CCND3: variants seen among roughly 807,000 people sequenced by gnomAD.
CCND3 encodes G1/S-specific cyclin-D3.
A neutral mutation model predicts 28.7 loss-of-function variants in CCND3; 9 were observed. That is an observed-to-expected ratio of 0.31 (90% CI 0.19 to 0.55). The LOEUF (loss-of-function observed/expected upper bound fraction) is 0.55, where lower values mean the gene tolerates loss of function less well. Ranked by LOEUF, CCND3 falls within the 20% of genes least tolerant of loss-of-function variation. The probability of loss-of-function intolerance (pLI) is 0.93; values close to 1 mark genes in which losing one functional copy is unlikely to be tolerated. For missense variants in CCND3, 315 were observed against 385.8 expected (o/e 0.82, Z 1.54); for synonymous variants, 164 against 163.9 (o/e 1.00, Z 0.00).
At chr6:41,968,524 A>C (rs1761949355) in intron 1 of CCND3, among the ~76,000 whole-genome samples, 1 of 152,126 alleles carries the variant, frequency 6.6e-6, no homozygotes, top group African/African-American at 2.4e-5. Flanking sequence ...CCAGAAGTCC[A>C]AGCTATGATT....
At chr6:41,974,379 C>T (rs914396418) in intron 1 of CCND3, among the ~76,000 whole-genome samples, 1 of 152,184 alleles carries the variant, frequency 6.6e-6, no homozygotes, top group African/African-American at 2.4e-5. Flanking sequence ...ATGCATCCAT[C>T]TCAGGTGGGC....
At chr6:42,038,944 C>T (rs1019119338) in intron 1 of CCND3, among the ~76,000 whole-genome samples, 1 of 152,180 alleles carries the variant, frequency 6.6e-6, no homozygotes, top group Non-Finnish European at 1.5e-5. Context: ...TTTCTTGAGG[C>T]CCAGCTAGAC....
chr6:42,039,665 C>T (rs67289879), intron 1 of CCND3, among the ~76,000 whole-genome samples: 23,162 of 152,228 alleles, frequency 0.15, 2,177 homozygotes, highest in Non-Finnish European at 0.21. Flanking sequence ...GCACCATTGC[C>T]GCAGTTGGGG....
At chr6:41,975,165 T>C (rs1762140714) in intron 1 of CCND3, among the ~76,000 whole-genome samples, 1 of 152,192 alleles carries the variant, frequency 6.6e-6, no homozygotes, top group South Asian at 2.1e-4. Context: ...AGTTTATACA[T>C]ACATGATTGT....
intron 1 of CCND3, among the ~76,000 whole-genome samples, chr6:41,960,703 A>G (rs1761696155): frequency 6.6e-6 from 1 of 152,250 alleles, no homozygotes; most frequent in Non-Finnish European, 1.5e-5. Flanking sequence ...AATCTGGTAC[A>G]TGGTGGATGG....
chr6:42,001,823 A>G (rs1362916775), intron 1 of CCND3, among the ~76,000 whole-genome samples: 3 of 152,144 alleles, frequency 2.0e-5, no homozygotes, highest in African/African-American at 7.2e-5. Context: ...ACATTTGTCA[A>G]AATTCATAGG....
chr6:42,003,747 T>G (rs901504360), intron 1 of CCND3, among the ~76,000 whole-genome samples: 2 of 151,600 alleles, frequency 1.3e-5, no homozygotes, highest in Admixed American at 1.3e-4. Flanking sequence ...GAGACCAGTC[T>G]GAGCAACATG....
chr6:42,045,968 G>A (rs773578709), intron 1 of CCND3, among the ~76,000 whole-genome samples: 2 of 152,228 alleles, frequency 1.3e-5, no homozygotes, highest in African/African-American at 2.4e-5. Context: ...AGGTGCGTGC[G>A]TGGGAGAAGA....
At chr6:42,029,022 G>A (rs770529372) in intron 1 of CCND3, among the ~76,000 whole-genome samples, 93 of 148,796 alleles carry the variant, frequency 6.3e-4, no homozygotes, top group Non-Finnish European at 1.0e-3. Context: ...TGCCAAGACT[G>A]TAGGATTGCA....
At chr6:42,042,982 C>T (rs191640582) in intron 1 of CCND3, among the ~76,000 whole-genome samples, 2 of 152,310 alleles carry the variant, frequency 1.3e-5, no homozygotes, top group African/African-American at 4.8e-5. Flanking sequence ...TTAGTGGTTA[C>T]ATGCACAAAT....
chr6:41,935,497 G>A lies in CCND3; in HGVS notation c.*443C>T. 1 of 302,900 alleles carries A rather than the reference G, an allele frequency of 3.3e-6. No individual in the cohort carries two copies. The highest frequency in any genetic ancestry group is 4.9e-5 in the East Asian group (1 of 20,320). The allele number at this position is 302,900 out of a possible 1,614,324, so 18.8% of individuals were successfully genotyped here. On this transcript the variant is annotated 3_prime_UTR_variant, in exon 5 of 5. Transcript: ENST00000372991. ...ATCTAGACTATTCCCCCTCATATGT[G>A]TCTATCATGCATTAAATTTTAGAGG...
chr6:42,001,976 G>T lies in CCND3; in HGVS notation c.-46+46525C>A, dbSNP rs554318468. Among the ~76,000 whole-genome samples, 9 of 151,636 alleles carry T rather than the reference G, an allele frequency of 5.9e-5. No homozygotes were observed. The East Asian group carries it at 1.2e-3, about 20-fold the overall frequency. ...TGAAAAATACAAAAATTAACCAGTC[G>T]TGGTGGTGCATGCTTGTAATTCCAG... is the stretch of plus-strand genomic sequence containing the variant. On this transcript the variant is annotated intron_variant, in intron 1 of 4. Transcript: ENST00000372988.
upstream of CCND3, among the ~76,000 whole-genome samples, chr6:41,945,010 T>C (rs1310601920): frequency 1.3e-5 from 2 of 152,142 alleles, no homozygotes; most frequent in African/African-American, 4.8e-5. Flanking sequence ...GTTTTTCTTG[T>C]TTTTGTTTTT....
chr6:41,937,310 G>A lies in CCND3; in HGVS notation c.499C>T (p.Arg167Trp), dbSNP rs772900960. The A allele has an allele frequency of 4.0e-5, 65 of 1,614,034 alleles. No individual in the cohort carries two copies. Among genetic ancestry groups the A allele is most frequent in the Non-Finnish European group, 5.2e-5 (61 of 1,180,044 alleles). Residue 167 changes from arginine to tryptophan, a missense_variant, in exon 3 of 5, where the codon CGG becomes TGG. Transcript: ENST00000372991. ...AHDFLAFILH[R>W]LSLPRDRQAL... ...TGTCGGTCACGGGGCAGAGAGAGCC[G>A]GTGCAGAATGAAGGCCAGGAAATCA...
chr6:41,937,533 G>A, intron 2 of CCND3, 139 bp from the exon 3 acceptor site: 1 of 999,414 alleles, frequency 1.0e-6, no homozygotes, highest in Admixed American at 2.6e-5. Context: ...CTGATTTTAA[G>A]GCCGGGCACC....
chr6:41,957,905 G>T (rs1435944039), intron 1 of CCND3, among the ~76,000 whole-genome samples: 3 of 151,682 alleles, frequency 2.0e-5, no homozygotes, highest in Non-Finnish European at 2.9e-5. Flanking sequence ...AGCTGGTCTC[G>T]AACTCCTGGC....
intron 1 of CCND3, among the ~76,000 whole-genome samples, chr6:42,033,379 G>A (rs924362661): frequency 2.6e-5 from 4 of 151,824 alleles, no homozygotes; most frequent in African/African-American, 9.7e-5. Flanking sequence ...GAACCCGGGA[G>A]GCAGAGGTTG....
At position 41,941,330 on chromosome 6, in the gene CCND3, C is replaced by G; in HGVS notation, c.198+122G>C. ...GGGTGCCCTAGTGAAAGGCCAGGCC[C>G]CGGGAGTCTTAGCCTCGGAGCATCC... is the stretch of plus-strand genomic sequence containing the variant. On this transcript the variant is annotated intron_variant, in intron 1 of 4. Coordinates refer to ENST00000372991, the MANE Select transcript of CCND3 (RefSeq NM_001760.5). The surrounding 1 kb of genome is among the most constrained non-coding windows in gnomAD (Gnocchi z 6.1). 1 of 1,497,944 alleles carries G rather than the reference C, an allele frequency of 6.7e-7. No homozygotes were observed. The highest frequency in any genetic ancestry group is 8.9e-7 in the Non-Finnish European group (1 of 1,126,562). 92.8% of individuals were successfully genotyped at this position (1,497,944 alleles called of 1,614,324 possible). A position where few individuals can be genotyped will look rare whatever the true frequency, so the allele number is the denominator to read the frequency against.
intron 1 of CCND3, among the ~76,000 whole-genome samples, chr6:41,999,130 C>T (rs1024517822): frequency 1.3e-5 from 2 of 152,152 alleles, no homozygotes; most frequent in African/African-American, 4.8e-5. Context: ...GATGTAAACC[C>T]ATCAGAATTT....
Sources: gnomAD v4.1 joint callset for allele counts (sites outside exome capture counted in the v4.1 genomes callset) on GRCh38, gnomAD v4.1.1 for gene constraint, Gnocchi (gnomAD v3.1) non-coding constraint, MANE v1.5 for transcripts, NCBI Gene and HGNC (gene_info 2026-07-23, HGNC 2026-07-21) for gene names.